Variants in CNBD1 observed in about 807,000 individuals in gnomAD.
CNBD1 encodes cyclic nucleotide-binding domain-containing protein 1.
In CNBD1, 71 loss-of-function variants were observed where a neutral mutation model predicts 54.4. The ratio of observed to expected loss-of-function variants is 1.30; its 90% CI spans 1.08 to 1.59. The LOEUF (loss-of-function observed/expected upper bound fraction) is 1.59. CNBD1 is among the 40% of genes most tolerant of loss of function. The pLI is 0.00. For synonymous variants in CNBD1, 182 were observed against 170.7 expected, an observed-to-expected ratio of 1.07 and a Z score of -0.51; for missense variants, 659 against 518.0, an observed-to-expected ratio of 1.27 and a Z score of -2.64.
At chr8:87,271,194 T>C (rs1808355813) in intron 6 of CNBD1, among the ~76,000 whole-genome samples, 1 of 151,886 alleles carries the variant, frequency 6.6e-6, no homozygotes. Context: ...GTTTCTCTAC[T>C]TTGTTTATCT....
At chr8:87,342,035 A>G (rs950897929) in intron 8 of CNBD1, among the ~76,000 whole-genome samples, 3 of 152,154 alleles carry the variant, frequency 2.0e-5, no homozygotes, top group Non-Finnish European at 4.4e-5. Flanking sequence ...GCACTTTGGG[A>G]GGCCGAGGCG....
In CNBD1 at chr8:86,953,033, G is replaced by A. The variant is rs189434649; in HGVS notation, c.431+13279G>A. The stretch of plus-strand genomic sequence containing the variant: ...CGTTTTTCACTCGGCATAATTATTT[G>A]GATCTTGATCCATGTTGTGTTGCAT... On this transcript the variant is annotated intron_variant, in intron 4 of 10. Transcript: ENST00000518476. 1.8e-3 allele frequency among the ~76,000 whole-genome samples: 270 copies of A among 152,140 alleles called. 2 individuals are homozygous for A. The Middle Eastern group carries it at 0.024, about 13-fold the overall frequency.
chr8:87,196,554 A>G (rs1813725869), intron 4 of CNBD1, among the ~76,000 whole-genome samples: 1 of 152,196 alleles, frequency 6.6e-6, no homozygotes, highest in Non-Finnish European at 1.5e-5. Context: ...GAGAGTGAAA[A>G]GTCAACAGAT....
intron 8 of CNBD1, among the ~76,000 whole-genome samples, chr8:87,306,740 A>T (rs1219941639): frequency 4.7e-5 from 7 of 150,396 alleles, no homozygotes; most frequent in Non-Finnish European, 7.4e-5. Flanking sequence ...GAATGACACA[A>T]TGGACTTTGG....
chr8:87,202,297 C>G (rs1252892406), intron 4 of CNBD1, among the ~76,000 whole-genome samples: 1 of 151,912 alleles, frequency 6.6e-6, no homozygotes, highest in Non-Finnish European at 1.5e-5. Flanking sequence ...ATATATAGAC[C>G]AAATTGATAG....
chr8:87,235,703 G>A (rs1019590372), intron 5 of CNBD1, among the ~76,000 whole-genome samples: 1 of 152,126 alleles, frequency 6.6e-6, no homozygotes, highest in South Asian at 2.1e-4. Flanking sequence ...TTGAAATATT[G>A]TGAGAATTAC....
At chr8:87,026,796 T>C (rs1310769796) in intron 4 of CNBD1, among the ~76,000 whole-genome samples, 1 of 152,342 alleles carries the variant, frequency 6.6e-6, no homozygotes, top group African/African-American at 2.4e-5. Flanking sequence ...TAGGTATTTT[T>C]CCCAATAACT....
chr8:86,913,002 A>G (rs1031866886), intron 3 of CNBD1, among the ~76,000 whole-genome samples: 6 of 152,246 alleles, frequency 3.9e-5, no homozygotes, highest in African/African-American at 1.4e-4. Flanking sequence ...ATAAAGATAG[A>G]AACAAAGAGC....
intron 3 of CNBD1, among the ~76,000 whole-genome samples, chr8:86,930,165 A>T (rs1809431893): frequency 6.6e-6 from 1 of 152,176 alleles, no homozygotes; most frequent in Admixed American, 6.5e-5. Flanking sequence ...AGTGATCCCA[A>T]AGAACCCCCG....
intron 6 of CNBD1, among the ~76,000 whole-genome samples, chr8:87,246,916 G>T (rs1396332706): frequency 1.3e-5 from 2 of 151,898 alleles, no homozygotes; most frequent in Admixed American, 1.3e-4. Flanking sequence ...AGAACCTATG[G>T]GAGCCCTGAG....
In CNBD1 at chr8:87,382,759, A is replaced by T. The variant is rs1417616499; in HGVS notation, c.*132A>T. On this transcript the variant is annotated 3_prime_UTR_variant, in exon 11 of 11. Coordinates refer to ENST00000518476, the MANE Select transcript of CNBD1 (RefSeq NM_173538.3). ...TGTGACTACATATCCTGGATTCCCC[A>T]GGAAAGTCCCACTTTCGAATTGCCT... 1 of 544,604 alleles carries T rather than the reference A, an allele frequency of 1.8e-6. No individual in the cohort carries two copies. Among genetic ancestry groups the T allele is most frequent in the African/African-American group, 1.9e-5 (1 of 52,118 alleles). The allele number at this position is 544,604 out of a possible 1,614,324, so 33.7% of individuals were successfully genotyped here.
At chr8:87,229,065 C>A (rs1216740767) in intron 5 of CNBD1, among the ~76,000 whole-genome samples, 2 of 152,242 alleles carry the variant, frequency 1.3e-5, no homozygotes, top group Non-Finnish European at 2.9e-5. Flanking sequence ...CTCCCTGACC[C>A]CTTGTGCTTC....
intron 4 of CNBD1, among the ~76,000 whole-genome samples, chr8:87,141,460 TATC>T (rs1301399356): frequency 2.0e-5 from 3 of 152,114 alleles, no homozygotes; most frequent in Non-Finnish European, 4.4e-5. Context: ...TATTCTAAAT[TATC>T]AGCAAATCAC....
At chr8:87,280,021 G>T (rs778787917) in intron 6 of CNBD1, among the ~76,000 whole-genome samples, 11 of 151,260 alleles carry the variant, frequency 7.3e-5, no homozygotes, top group Non-Finnish European at 1.6e-4. Flanking sequence ...TCAGCATATA[G>T]GTTTGGAATA....
intron 4 of CNBD1, among the ~76,000 whole-genome samples, chr8:87,054,336 C>G (rs569086239): frequency 1.3e-5 from 2 of 152,328 alleles, no homozygotes; most frequent in South Asian, 4.1e-4. Flanking sequence ...GAGAGACTGT[C>G]TAGTTATGCT....
chr8:87,245,238 G>A (rs1170607530), intron 6 of CNBD1, among the ~76,000 whole-genome samples: 1 of 151,952 alleles, frequency 6.6e-6, no homozygotes, highest in Non-Finnish European at 1.5e-5. Flanking sequence ...ATTTACTACT[G>A]TTTAAACATA....
chr8:87,325,156 T>C (rs1809640340), intron 8 of CNBD1, among the ~76,000 whole-genome samples: 1 of 95,650 alleles, frequency 1.0e-5, no homozygotes, highest in Admixed American at 9.0e-5. Flanking sequence ...GATTTCACTG[T>C]GGTCTGAGAG....
chr8:86,876,183 T>TTG lies in CNBD1; in HGVS notation c.88+9628_88+9629dup, dbSNP rs60866236. Among the ~76,000 whole-genome samples the TTG allele has an allele frequency of 6.3e-3, 954 of 150,450 alleles. 11 individuals carry two copies. The highest frequency in any genetic ancestry group is 0.027 in the East Asian group (138 of 5,084). Reference sequence around the variant, plus strand: ...TTGTTTGATACCTGTGTGTGTGTGTTTGTGTGTGTGTGTGTGTGTGTGTGT... The same window carrying TTG: ...TTGTTTGATACCTGTGTGTGTGTGTTTGTGTGTGTGTGTGTGTGTGTGTGTGT... On this transcript the variant is annotated intron_variant, in intron 1 of 10. Coordinates refer to ENST00000518476, the MANE Select transcript of CNBD1 (RefSeq NM_173538.3).
chr8:87,389,234 T>G (rs1426423375), intron 2 of CNBD1, among the ~76,000 whole-genome samples: 1 of 152,156 alleles, frequency 6.6e-6, no homozygotes, highest in African/African-American at 2.4e-5. Context: ...CAACATAGTG[T>G]TGGAAGTTCT....
Sources: allele counts gnomAD v4.1 joint callset (sites outside exome capture counted in the v4.1 genomes callset), GRCh38; gene constraint gnomAD v4.1.1; transcripts MANE v1.5; gene names NCBI Gene and HGNC (gene_info 2026-07-23, HGNC 2026-07-21).